Variants in ZNF277 observed in about 807,000 individuals in gnomAD.
ZNF277 encodes zinc finger protein 277.
A neutral mutation model predicts 60.7 loss-of-function variants in ZNF277; 55 were observed. The observed-to-expected ratio is 0.91, with a 90% CI of 0.73 to 1.13. The LOEUF (loss-of-function observed/expected upper bound fraction) is 1.13. Ranked by LOEUF, ZNF277 falls within the 50% of genes most tolerant of loss-of-function variation. The pLI, the probability that ZNF277 is intolerant of heterozygous loss-of-function variation, is 0.00. For synonymous variants in ZNF277, 178 were observed against 179.3 expected, an observed-to-expected ratio of 0.99 and a Z score of 0.06; for missense variants, 510 against 523.0, an observed-to-expected ratio of 0.98 and a Z score of 0.24.
At chr7:112,319,781 A>G (rs1041261224) in intron 5 of ZNF277, among the ~76,000 whole-genome samples, 2 of 151,542 alleles carry the variant, frequency 1.3e-5, no homozygotes, top group Admixed American at 6.6e-5. Context: ...TTCTCAGATC[A>G]GTTAGCATAG....
chr7:112,301,495 C>A (rs1035405608), intron 4 of ZNF277, among the ~76,000 whole-genome samples: 3 of 152,086 alleles, frequency 2.0e-5, no homozygotes, highest in African/African-American at 7.2e-5. Context: ...ATAAAACAGG[C>A]AATGGTCCCT....
At chr7:112,252,250 G>A (rs1164681482) in intron 1 of ZNF277, among the ~76,000 whole-genome samples, 1 of 152,188 alleles carries the variant, frequency 6.6e-6, no homozygotes. Context: ...CTACATTTGA[G>A]ATGCAAGAGG....
intron 1 of ZNF277, among the ~76,000 whole-genome samples, chr7:112,275,956 A>G (rs1791783322): frequency 6.6e-6 from 1 of 152,208 alleles, no homozygotes; most frequent in Non-Finnish European, 1.5e-5. Context: ...TCAAAATCTT[A>G]GAATCTGCAG....
intron 5 of ZNF277, among the ~76,000 whole-genome samples, chr7:112,322,150 G>A (rs555145029): frequency 6.6e-6 from 1 of 151,374 alleles, no homozygotes; most frequent in South Asian, 2.1e-4. Flanking sequence ...CTCTTGATTT[G>A]TCCTACTTGA....
chr7:112,233,258 G>C (rs1822388168), intron 1 of ZNF277, among the ~76,000 whole-genome samples: 1 of 152,164 alleles, frequency 6.6e-6, no homozygotes, highest in Non-Finnish European at 1.5e-5. Context: ...GATGAGATTA[G>C]ACATGTGCCT....
chr7:112,338,488 T>A (rs1793376312), intron 9 of ZNF277, among the ~76,000 whole-genome samples: 2 of 151,790 alleles, frequency 1.3e-5, no homozygotes, highest in Admixed American at 1.3e-4. Flanking sequence ...GGCAGAGGGG[T>A]GATTATAATA....
intron 7 of ZNF277, among the ~76,000 whole-genome samples, chr7:112,332,226 T>C (rs1208115056): frequency 1.3e-5 from 2 of 152,244 alleles, no homozygotes; most frequent in African/African-American, 4.8e-5. Context: ...AGAAGTCTTT[T>C]TTTTAGCTAG....
intron 4 of ZNF277, among the ~76,000 whole-genome samples, chr7:112,307,045 G>A (rs1043773606): frequency 2.0e-5 from 3 of 151,968 alleles, no homozygotes; most frequent in African/African-American, 4.8e-5. Context: ...GCAGGATTTG[G>A]GTCCTTCTCC....
intron 1 of ZNF277, among the ~76,000 whole-genome samples, chr7:112,220,821 A>T (rs1271294099): frequency 6.6e-6 from 1 of 152,198 alleles, no homozygotes; most frequent in East Asian, 1.9e-4. Context: ...GGAGGGAAAG[A>T]AATAGCCAAT....
intron 4 of ZNF277, among the ~76,000 whole-genome samples, chr7:112,306,389 A>G (rs1341462784): frequency 6.6e-6 from 1 of 151,530 alleles, no homozygotes; most frequent in Non-Finnish European, 1.5e-5. Context: ...TGCTTTTTAT[A>G]TTTTTAGTAT....
chr7:112,319,284 T>C (rs527772156), intron 5 of ZNF277, among the ~76,000 whole-genome samples: 3 of 152,218 alleles, frequency 2.0e-5, no homozygotes, highest in African/African-American at 7.2e-5. Flanking sequence ...GGAAGCTATG[T>C]AGGGTCCTAC....
intron 1 of ZNF277, among the ~76,000 whole-genome samples, chr7:112,235,507 C>T (rs919818428): frequency 2.0e-5 from 3 of 152,092 alleles, no homozygotes; most frequent in Admixed American, 6.6e-5. Context: ...TCTCTAGTAA[C>T]TAATGATATT....
intron 1 of ZNF277, among the ~76,000 whole-genome samples, chr7:112,215,630 G>A (rs1035618899): frequency 7.2e-5 from 11 of 152,218 alleles, no homozygotes; most frequent in Non-Finnish European, 1.5e-4. Context: ...CAGAGGCGCT[G>A]AGCATACTAA....
At chr7:112,294,076 C>T (rs565511767) in intron 2 of ZNF277, among the ~76,000 whole-genome samples, 11 of 152,340 alleles carry the variant, frequency 7.2e-5, no homozygotes, top group Middle Eastern at 3.4e-3. Flanking sequence ...GTTCCTTCAT[C>T]CCTGTCACCA....
chr7:112,283,042 A>G (rs1791983316), intron 1 of ZNF277, among the ~76,000 whole-genome samples: 1 of 152,354 alleles, frequency 6.6e-6, no homozygotes, highest in Non-Finnish European at 1.5e-5. Context: ...TGTACATGCC[A>G]GGTAAATAAA....
At chr7:112,280,409 A>G (rs914517007) in intron 1 of ZNF277, among the ~76,000 whole-genome samples, 1 of 152,154 alleles carries the variant, frequency 6.6e-6, no homozygotes, top group African/African-American at 2.4e-5. Context: ...GTGTTTTTTT[A>G]CAGTTCATTT....
intron 1 of ZNF277, among the ~76,000 whole-genome samples, chr7:112,238,242 A>G (rs1308911831): frequency 1.3e-5 from 2 of 152,198 alleles, no homozygotes; most frequent in African/African-American, 4.8e-5. Context: ...GAGAGTGCTT[A>G]GGGGAGGGAG....
rs558817077 is a variant in ZNF277 at position 112,264,683 on chromosome 7, A to T, written c.92-22190A>T. On this transcript the variant is annotated intron_variant, in intron 1 of 11. Transcript: ENST00000361822. ...AAATATACAAGTATACCTCAGAGAT[A>T]TTAAGGGTTTGGTTTCAGGTCACCA... 1.3e-3 allele frequency among the ~76,000 whole-genome samples: 201 copies of T among 152,302 alleles called. 5 individuals are homozygous for T. In the South Asian group the frequency reaches 0.04, roughly 31 times the overall value.
At chr7:112,254,349 T>C (rs1230592229) in intron 1 of ZNF277, among the ~76,000 whole-genome samples, 1 of 152,182 alleles carries the variant, frequency 6.6e-6, no homozygotes, top group African/African-American at 2.4e-5. Context: ...ACTCTGGGAA[T>C]GGAGCCCAAT....
Sources: allele counts gnomAD v4.1 joint callset (sites outside exome capture counted in the v4.1 genomes callset), GRCh38; gene constraint gnomAD v4.1.1; transcripts MANE v1.5; gene names NCBI Gene and HGNC (gene_info 2026-07-23, HGNC 2026-07-21).